Variants in ZNF460 observed in about 807,000 individuals in gnomAD.
ZNF460 encodes the protein zinc finger protein 460, also known as zinc finger protein 272.
ZNF460 carries 1 observed loss-of-function variant against 8.4 expected under a neutral mutation model. The observed-to-expected ratio is 0.12, with a 90% CI of 0.04 to 0.56. The LOEUF is 0.56. Ranked by LOEUF, ZNF460 falls within the 20% of genes least tolerant of loss-of-function variation. The pLI is 0.91. For missense variants in ZNF460, 477 were observed against 714.8 expected, an observed-to-expected ratio of 0.67 and a Z score of 3.79; for synonymous variants, 262 against 259.9, an observed-to-expected ratio of 1.01 and a Z score of -0.08.
chr19:57,284,500 C>A, intron 1 of ZNF460, 51 bp from the exon 2 acceptor site: 1 of 1,593,434 alleles, frequency 6.3e-7, no homozygotes. Flanking sequence ...AGGTTCTAAT[C>A]CTATTCCACA....
In ZNF460 at chr19:57,290,824, G is replaced by T; in HGVS notation, c.283G>T (p.Asp95Tyr). The T allele has an allele frequency of 6.2e-7, 1 of 1,614,168 alleles. No individual in the cohort carries two copies. Among genetic ancestry groups the T allele is most frequent in the Non-Finnish European group, 8.5e-7 (1 of 1,180,042 alleles). Residue 95 changes from aspartate to tyrosine, a missense_variant, in exon 3 of 3, where the codon GAT becomes TAT. By Grantham distance (160) the Asp-to-Tyr change is radical (BLOSUM62 -3). Coordinates refer to ENST00000360338, the MANE Select transcript of ZNF460 (RefSeq NM_006635.4). Reference protein sequence around the residue: ...PRYSYLGQAMDQDGPSEMQEY... With the variant: ...PRYSYLGQAMYQDGPSEMQEY... ...ATACTCCTATTTGGGGCAGGCCATGGATCAAGATGGGCCATCTGAAATGCA... is the reference window on the plus strand; with the variant it reads ...ATACTCCTATTTGGGGCAGGCCATGTATCAAGATGGGCCATCTGAAATGCA...
At chr19:57,280,945 A>G (rs372455497) in intron 1 of ZNF460, 109 bp downstream of exon 1, 36 of 1,492,424 alleles carry the variant, frequency 2.4e-5, no homozygotes, top group Non-Finnish European at 3.0e-5. Flanking sequence ...GCCATCGTTT[A>G]TTTAAGAGAA....
chr19:57,280,451 G>C (rs540306317), upstream of ZNF460: 49 of 298,208 alleles, frequency 1.6e-4, 1 homozygote, highest in Admixed American at 1.0e-3. Flanking sequence ...CCGCTTCTTC[G>C]TGTGACGTCA....
rs2122897793 is a variant in ZNF460 at position 57,291,952 on chromosome 19, A to G, written c.1411A>G (p.Thr471Ala). 2 of 1,614,018 alleles carry G rather than the reference A, an allele frequency of 1.2e-6. No individual in the cohort carries two copies. The highest frequency in any genetic ancestry group is 1.7e-6 in the Non-Finnish European group (2 of 1,179,996). ...TNLIRHFSIH[T>A]GEKPYECVEC... is the part of the protein sequence containing the mutation. ...CCTGATTCGACACTTTAGCATCCAC[A>G]CTGGAGAGAAGCCCTATGAATGCGT... The change falls in exon 3 of 3, where the codon ACT (threonine) becomes GCT (alanine). Residue 471 changes from threonine (T) to alanine (A), a missense_variant. Thr to Ala is a moderately conservative substitution (Grantham distance 58). Around this residue, in one of 5 missense-constraint regions of ZNF460, gnomAD observed 193 missense variants for 391.7 expected, o/e 0.49. Coordinates refer to ENST00000360338, the MANE Select transcript of ZNF460 (RefSeq NM_006635.4). This position sits in a 1 kb window ranked among gnomAD's most constrained non-coding sequence, Gnocchi z 8.4.
upstream of ZNF460, chr19:57,280,451 G>A (rs540306317): frequency 5.0e-4 from 149 of 298,208 alleles, no homozygotes; most frequent in African/African-American, 2.2e-3. Context: ...CCGCTTCTTC[G>A]TGTGACGTCA....
chr19:57,290,821 A>G lies in ZNF460; in HGVS notation c.280A>G (p.Met94Val). Residue 94 changes from methionine (M) to valine (V), a missense_variant, in exon 3 of 3, where the codon ATG becomes GTG. Physicochemically the swap from Met to Val is conservative, Grantham distance 21 (BLOSUM62 1). Coordinates refer to ENST00000360338, the MANE Select transcript of ZNF460 (RefSeq NM_006635.4). ...AAGATACTCCTATTTGGGGCAGGCC[A>G]TGGATCAAGATGGGCCATCTGAAAT... ...VPRYSYLGQAMDQDGPSEMQE... is the reference protein window; with the variant it reads ...VPRYSYLGQAVDQDGPSEMQE... The G allele has an allele frequency of 1.9e-6, 3 of 1,614,176 alleles. No homozygotes were observed. The highest frequency in any genetic ancestry group is 2.5e-6 in the Non-Finnish European group (3 of 1,180,034).
chr19:57,281,238 C>G (rs1038528210), intron 1 of ZNF460, among the ~76,000 whole-genome samples: 1 of 152,170 alleles, frequency 6.6e-6, no homozygotes, highest in African/African-American at 2.4e-5. Flanking sequence ...CTTGCACTTC[C>G]TTTTACTTCG....
rs1360567792 is a variant in ZNF460 at position 57,292,222 on chromosome 19, C to T, written c.1681C>T (p.Pro561Ser). Residue 561 changes from proline to serine, a missense_variant, in exon 3 of 3, where the codon CCA (proline) becomes TCA (serine). This residue lies in a region of ZNF460 where 83 missense variants were observed against 82.3 expected (regional missense o/e 1.01). Transcript: ENST00000360338. ...INGFIVEETL[P>S]L ...CGGATTCATAGTGGAAGAAACCCTA[C>T]CATTGTAACAGATGTGGAAAGACTT... is the stretch of plus-strand genomic sequence containing the variant. 1.6e-5 allele frequency: 25 copies of T among 1,608,900 alleles called. 1 individual carries two copies. In the African/African-American group the frequency reaches 3.1e-4, roughly 20 times the overall value.
intron 1 of ZNF460, among the ~76,000 whole-genome samples, chr19:57,281,056 G>A (rs1325916278): frequency 6.6e-6 from 1 of 152,122 alleles, no homozygotes; most frequent in Non-Finnish European, 1.5e-5. Flanking sequence ...TTCCTTCTAG[G>A]GATCTCATCA....
In ZNF460 at chr19:57,290,942, G is replaced by T. The variant is rs764730307; in HGVS notation, c.401G>T (p.Gly134Val). Reference sequence around the variant, plus strand: ...CACGAAGGTTTGGCGACAGCTGATGGTATTTGTTCAATGATGATACAGAAC... The same window carrying T: ...CACGAAGGTTTGGCGACAGCTGATGTTATTTGTTCAATGATGATACAGAAC... The part of the protein sequence containing the change: ...LEHEGLATAD[G>V]ICSMMIQNQV... Residue 134 changes from glycine (G) to valine (V), a missense_variant, in exon 3 of 3, where the codon GGT becomes GTT. Coordinates refer to ENST00000360338, the MANE Select transcript of ZNF460 (RefSeq NM_006635.4). 1 of 1,614,208 alleles carries T rather than the reference G, an allele frequency of 6.2e-7. No homozygotes were observed. The highest frequency in any genetic ancestry group is 1.1e-5 in the South Asian group (1 of 91,088).
At chr19:57,283,867 G>A (rs2122884721) in intron 1 of ZNF460, among the ~76,000 whole-genome samples, 1 of 152,230 alleles carries the variant, frequency 6.6e-6, no homozygotes, top group Non-Finnish European at 1.5e-5. Flanking sequence ...TCGGCGAAAT[G>A]AAATGAGGTC....
At chr19:57,280,310 A>G (rs941871356), upstream of ZNF460, 1 of 157,326 alleles carries the variant, frequency 6.4e-6, no homozygotes, top group Admixed American at 6.3e-5. Context: ...GAGTTCCCAC[A>G]CCCGGTAGAT....
At chr19:57,283,236 C>G (rs113576224) in intron 1 of ZNF460, among the ~76,000 whole-genome samples, 53 of 151,336 alleles carry the variant, frequency 3.5e-4, no homozygotes, top group African/African-American at 1.2e-3. Context: ...GTGGTGCGAT[C>G]TCGGCTCACT....
At chr19:57,287,342 TATGTTG>T (rs1309032219) in intron 2 of ZNF460, among the ~76,000 whole-genome samples, 1 of 152,250 alleles carries the variant, frequency 6.6e-6, no homozygotes, top group South Asian at 2.1e-4. Context: ...AGGTTTTGGA[TATGTTG>T]CTGAGAGTAT....
chr19:57,289,042 G>C (rs550309731), intron 2 of ZNF460, among the ~76,000 whole-genome samples: 3 of 151,650 alleles, frequency 2.0e-5, no homozygotes, highest in Non-Finnish European at 4.4e-5. Context: ...TTGTTTCTCA[G>C]GGTTGTATTG....
rs2087922284 is a variant in ZNF460 at position 57,292,106 on chromosome 19, A to G, written c.1565A>G (p.His522Arg). 1.2e-6 allele frequency: 2 copies of G among 1,614,052 alleles called. No individual in the cohort carries two copies. The highest frequency in any genetic ancestry group is 8.5e-7 in the Non-Finnish European group (1 of 1,180,006). Residue 522 changes from histidine to arginine, a missense_variant, in exon 3 of 3, where the codon CAC (histidine) becomes CGC (arginine). Around this residue, in one of 5 missense-constraint regions of ZNF460, gnomAD observed 83 missense variants for 82.3 expected, o/e 1.01. Coordinates refer to ENST00000360338, the MANE Select transcript of ZNF460 (RefSeq NM_006635.4). Reference protein sequence around the residue: ...VSCESTDLIQHSIIHTESSPV... With the variant: ...VSCESTDLIQRSIIHTESSPV... ...TGTGAGAGCACAGATCTCATTCAAC[A>G]CTCCATCATCCACACTGAGAGTAGC...
At chr19:57,282,514 T>C (rs1195663853) in intron 1 of ZNF460, among the ~76,000 whole-genome samples, 1 of 152,188 alleles carries the variant, frequency 6.6e-6, no homozygotes, top group Non-Finnish European at 1.5e-5. Flanking sequence ...GGTGATTCTT[T>C]GGTGAGGTGG....
intron 2 of ZNF460, among the ~76,000 whole-genome samples, chr19:57,289,873 G>A (rs905497210): frequency 6.6e-6 from 1 of 151,978 alleles, no homozygotes; most frequent in Non-Finnish European, 1.5e-5. Flanking sequence ...AGGCGGGGTG[G>A]CTCACACCTG....
intron 2 of ZNF460, among the ~76,000 whole-genome samples, chr19:57,289,452 G>A (rs1454156977): frequency 6.6e-6 from 1 of 152,170 alleles, no homozygotes; most frequent in African/African-American, 2.4e-5. Context: ...AGGCTAATAT[G>A]TCCTTCTAAC....
Sources: allele counts gnomAD v4.1 joint callset (sites outside exome capture counted in the v4.1 genomes callset), GRCh38; gene constraint gnomAD v4.1.1; regional missense constraint gnomAD v4.1.1; non-coding constraint Gnocchi (gnomAD v3.1); transcripts MANE v1.5; gene names NCBI Gene and HGNC (gene_info 2026-07-23, HGNC 2026-07-21).